Variants in ZFHX3 observed in about 807,000 individuals in gnomAD.
The protein encoded by ZFHX3 is zinc finger homeobox 3, also known as zinc finger homeobox protein 3.
In ZFHX3, 42 loss-of-function variants were observed where a neutral mutation model predicts 279.1. The observed-to-expected ratio is 0.15, with a 90% CI of 0.12 to 0.19. ZFHX3 has a LOEUF of 0.19. Among genes scored for constraint, ZFHX3 ranks in the 10% least tolerant of loss-of-function variants. The pLI is 1.00. For synonymous variants in ZFHX3, 2,293 were observed against 1,957.8 expected (o/e 1.17, Z -4.52); for missense variants, 4,981 against 4,754.0 (o/e 1.05, Z -1.40).
chr16:73,235,071 A>C lies in ZFHX3; in HGVS notation c.-1104+21976T>G, dbSNP rs187970306. ...ATGTTTACTTACTTTTTCTTTCTTT[A>C]TTTATTTACTTTTTTTGAGACGGAG... On this transcript the variant is annotated intron_variant, in intron 5 of 17. Coordinates refer to the ZFHX3 transcript ENST00000641206. Among the ~76,000 whole-genome samples the C allele has an allele frequency of 1.0e-3, 155 of 152,240 alleles. 1 individual carries two copies. Among genetic ancestry groups the C allele is most frequent in the Non-Finnish European group, 1.8e-3 (119 of 67,984 alleles).
At chr16:72,917,274 C>T (rs1337454874) in intron 3 of ZFHX3, among the ~76,000 whole-genome samples, 5 of 151,878 alleles carry the variant, frequency 3.3e-5, no homozygotes, top group African/African-American at 4.8e-5. Context: ...GAGAAGGAAG[C>T]AAAAATGAGA....
At chr16:73,774,827 A>G (rs1018829609) in intron 1 of ZFHX3, among the ~76,000 whole-genome samples, 5 of 152,216 alleles carry the variant, frequency 3.3e-5, no homozygotes, top group Admixed American at 3.3e-4. Context: ...TGCTCCAGGA[A>G]GTTGTTCACA....
chr16:73,234,041 G>A (rs1414812638), intron 5 of ZFHX3: 1 of 152,426 alleles, frequency 6.6e-6, no homozygotes, highest in Non-Finnish European at 1.5e-5. Context: ...TGTCTGCAGT[G>A]TGTGTGTGTG....
chr16:73,711,004 C>T (rs1015673342), intron 1 of ZFHX3, among the ~76,000 whole-genome samples: 1 of 152,162 alleles, frequency 6.6e-6, no homozygotes, highest in African/African-American at 2.4e-5. Context: ...GGTCATTATA[C>T]GGAAAGACGT....
intron 1 of ZFHX3, among the ~76,000 whole-genome samples, chr16:73,739,896 A>G (rs571856230): frequency 3.8e-4 from 58 of 152,240 alleles, no homozygotes; most frequent in African/African-American, 7.0e-4. Context: ...TCTACCCCCA[A>G]TGACCTCTTT....
intron 3 of ZFHX3, among the ~76,000 whole-genome samples, chr16:73,355,826 G>A (rs988779143): frequency 6.6e-6 from 1 of 152,152 alleles, no homozygotes; most frequent in African/African-American, 2.4e-5. Context: ...AGAGCGCGAC[G>A]GTACCAAGCA....
intron 2 of ZFHX3, among the ~76,000 whole-genome samples, chr16:73,531,137 T>C (rs963999049): frequency 6.6e-6 from 1 of 152,232 alleles, no homozygotes; most frequent in African/African-American, 2.4e-5. Context: ...CCTTTCCTAA[T>C]ATAAATCTTT....
chr16:73,158,886 T>C (rs976088379), intron 5 of ZFHX3, among the ~76,000 whole-genome samples: 3 of 152,140 alleles, frequency 2.0e-5, no homozygotes, highest in Admixed American at 6.5e-5. Flanking sequence ...ATGCAGAAGA[T>C]TGAAACTGGA....
rs1022229184 is a variant in ZFHX3, at chr16:73,866,249, G to A, written c.-1608+25402C>T. On this transcript the variant is annotated intron_variant, in intron 1 of 17. Transcript: ENST00000641206. ...GTCTAGAGTGCAGTGGTACGATCTC[G>A]GCTCATTGCAACCTCCGTCTCCCAG... 5.1e-5 allele frequency among the ~76,000 whole-genome samples: 7 copies of A among 137,166 alleles called. No individual in the cohort carries two copies. The South Asian group carries it at 1.2e-3, about 23-fold the overall frequency. 90.0% of individuals were successfully genotyped at this position (137,166 alleles called of 152,430 possible). A position where few individuals can be genotyped will look rare whatever the true frequency, so the allele number is the denominator to read the frequency against.
chr16:73,388,445 A>C (rs1217276746), intron 3 of ZFHX3, among the ~76,000 whole-genome samples: 1 of 152,214 alleles, frequency 6.6e-6, no homozygotes, highest in Non-Finnish European at 1.5e-5. Flanking sequence ...TTGAAACTAT[A>C]TAACCATGCC....
At chr16:73,023,362 AC>A (rs1013373821) in intron 1 of ZFHX3, among the ~76,000 whole-genome samples, 1 of 151,754 alleles carries the variant, frequency 6.6e-6, no homozygotes, top group Non-Finnish European at 1.5e-5. Flanking sequence ...CTGGAGGGAA[AC>A]CCCCCTTAGG....
chr16:73,313,887 C>A lies in ZFHX3; in HGVS notation c.-1194+4353G>T, dbSNP rs1597279375. ...CTTTGGGAGGCTGTGGCCGGTGGAT[C>A]TCTTGAACTCAGGAGTTCGAGACCA... On this transcript the variant is annotated intron_variant, in intron 4 of 17. Coordinates refer to the ZFHX3 transcript ENST00000641206. Among the ~76,000 whole-genome samples the A allele has an allele frequency of 2.0e-5, 3 of 152,314 alleles. No homozygotes were observed. The Middle Eastern group carries it at 0.01, about 518-fold the overall frequency.
chr16:73,563,243 TG>T (rs1178383579), intron 2 of ZFHX3, among the ~76,000 whole-genome samples: 7 of 148,436 alleles, frequency 4.7e-5, no homozygotes, highest in Admixed American at 2.0e-4. Context: ...GTTTTGTTTT[TG>T]TTTTTTTTTT....
intron 4 of ZFHX3, among the ~76,000 whole-genome samples, chr16:73,275,487 T>C (rs964494164): frequency 7.2e-5 from 11 of 152,176 alleles, no homozygotes; most frequent in African/African-American, 2.4e-4. Flanking sequence ...TGTTTTTACA[T>C]CTAGAAACTC....
At chr16:73,348,071 T>G (rs1236117088) in intron 3 of ZFHX3, among the ~76,000 whole-genome samples, 1 of 152,178 alleles carries the variant, frequency 6.6e-6, no homozygotes, top group Non-Finnish European at 1.5e-5. Flanking sequence ...ACCTGCTTCA[T>G]TCTCACTATA....
intron 2 of ZFHX3, among the ~76,000 whole-genome samples, chr16:73,456,879 TA>T (rs1450113828): frequency 6.6e-6 from 1 of 152,220 alleles, no homozygotes; most frequent in Non-Finnish European, 1.5e-5. Context: ...GCCTCCCCTT[TA>T]AATCTTGCAA....
At chr16:73,761,504 C>G (rs972375463) in intron 1 of ZFHX3, among the ~76,000 whole-genome samples, 1 of 151,952 alleles carries the variant, frequency 6.6e-6, no homozygotes, top group East Asian at 1.9e-4. Context: ...CATATGGAAC[C>G]AAAAAGAGCC....
chr16:73,316,007 G>C (rs2143180184), intron 4 of ZFHX3, among the ~76,000 whole-genome samples: 1 of 152,234 alleles, frequency 6.6e-6, no homozygotes, highest in East Asian at 1.9e-4. Flanking sequence ...CCTCTTAGTG[G>C]GGGTTGGAAA....
At chr16:73,550,607 T>C (rs2020189444) in intron 2 of ZFHX3, among the ~76,000 whole-genome samples, 1 of 152,220 alleles carries the variant, frequency 6.6e-6, no homozygotes, top group African/African-American at 2.4e-5. Flanking sequence ...CAGATACAAA[T>C]TGTGGATGAA....
Sources: gnomAD v4.1 joint callset for allele counts (sites outside exome capture counted in the v4.1 genomes callset) on GRCh38, gnomAD v4.1.1 for gene constraint, MANE v1.5 for transcripts, NCBI Gene and HGNC (gene_info 2026-07-23, HGNC 2026-07-21) for gene names.